MEGF11: variants seen among roughly 807,000 people sequenced by gnomAD.
MEGF11 encodes multiple EGF like domains 11, also known as multiple epidermal growth factor-like domains protein 11.
A neutral mutation model predicts 146.6 loss-of-function variants in MEGF11; 126 were observed. The observed-to-expected ratio is 0.86, with a 90% CI of 0.74 to 1.00. The LOEUF (loss-of-function observed/expected upper bound fraction) is 1.00, where lower values mean the gene tolerates loss of function less well. Ranked by LOEUF, MEGF11 falls within the 50% of genes least tolerant of loss-of-function variation. The pLI, the probability that MEGF11 is intolerant of heterozygous loss-of-function variation, is 0.00. For missense variants in MEGF11, 1,509 were observed against 1,521.2 expected, an observed-to-expected ratio of 0.99 and a Z score of 0.13; for synonymous variants, 532 against 583.4, an observed-to-expected ratio of 0.91 and a Z score of 1.27.
chr15:66,193,771 C>A (rs1427498703), intron 1 of MEGF11, among the ~76,000 whole-genome samples: 1 of 151,450 alleles, frequency 6.6e-6, no homozygotes, highest in Non-Finnish European at 1.5e-5. Context: ...CTCAGGCTGC[C>A]GAGCAAACTA....
intron 4 of MEGF11, among the ~76,000 whole-genome samples, chr15:66,114,865 A>G (rs925292572): frequency 1.3e-5 from 2 of 152,216 alleles, no homozygotes; most frequent in African/African-American, 4.8e-5. Context: ...GAAATTGTAC[A>G]GAGAGGAGAA....
chr15:66,023,156 C>CAAAAAAAAAAAA (rs762802460), intron 5 of MEGF11, among the ~76,000 whole-genome samples: 1 of 60,588 alleles, frequency 1.7e-5, no homozygotes, highest in Non-Finnish European at 3.7e-5. Flanking sequence ...AAAAAAAAAA[C>CAAAAAAAAAAAA]AAACTTGTTT....
intron 1 of MEGF11, among the ~76,000 whole-genome samples, chr15:66,178,178 A>C (rs1377175562): frequency 6.6e-6 from 1 of 151,514 alleles, no homozygotes; most frequent in Non-Finnish European, 1.5e-5. Flanking sequence ...AGACGAGGGA[A>C]TCTCACGATG....
At chr15:66,247,266 C>T (rs1206385954) in intron 1 of MEGF11, among the ~76,000 whole-genome samples, 3 of 152,142 alleles carry the variant, frequency 2.0e-5, no homozygotes, top group African/African-American at 7.2e-5. Context: ...TCTTGATGGT[C>T]TAGTCCTCAC....
chr15:65,981,982 G>A (rs867029199), intron 6 of MEGF11, among the ~76,000 whole-genome samples: 2 of 152,192 alleles, frequency 1.3e-5, no homozygotes, highest in South Asian at 4.1e-4. Flanking sequence ...ACGCGGTCCT[G>A]GAAGGAAGGA....
At chr15:65,912,018 G>C in intron 21 of MEGF11, 64 bp downstream of exon 21, 1 of 960,786 alleles carries the variant, frequency 1.0e-6, no homozygotes, top group Non-Finnish European at 1.4e-6. Flanking sequence ...GTTCCTTCCT[G>C]GGCAGAGGTG....
intron 1 of MEGF11, among the ~76,000 whole-genome samples, chr15:66,170,985 T>C (rs1274768894): frequency 6.6e-6 from 1 of 152,224 alleles, no homozygotes; most frequent in Non-Finnish European, 1.5e-5. Flanking sequence ...TGTGACGCCA[T>C]GTCCTCGCTC....
At chr15:66,016,854 G>A (rs2082904833) in intron 5 of MEGF11, among the ~76,000 whole-genome samples, 1 of 152,194 alleles carries the variant, frequency 6.6e-6, no homozygotes, top group African/African-American at 2.4e-5. Flanking sequence ...AATGGGGAAA[G>A]GGATGCCTAT....
chr15:66,062,603 C>A (rs1036700780), intron 5 of MEGF11, among the ~76,000 whole-genome samples: 1 of 152,192 alleles, frequency 6.6e-6, no homozygotes, highest in Non-Finnish European at 1.5e-5. Flanking sequence ...TGGTTGTAAC[C>A]TTGTGAGACA....
rs953001307 is a variant in MEGF11 at position 66,116,010 on chromosome 15, A to G, written c.301+3076T>C. Among the ~76,000 whole-genome samples the G allele has an allele frequency of 2.0e-5, 3 of 152,090 alleles. No homozygotes were observed. In the South Asian group the frequency reaches 6.2e-4, roughly 32 times the overall value. Reference sequence around the variant, plus strand: ...TACTTTGTAATAGCCACCCTAGACAATTGACACACCCAACCCAGCCACCTG... The same window carrying G: ...TACTTTGTAATAGCCACCCTAGACAGTTGACACACCCAACCCAGCCACCTG... On this transcript the variant is annotated intron_variant, in intron 4 of 25. Coordinates refer to ENST00000395614, the MANE Select transcript of MEGF11 (RefSeq NM_001385028.1).
intron 6 of MEGF11, 119 bp from the exon 7 acceptor site, chr15:65,981,017 ATCCGCTGAACTGCAG>A: frequency 7.6e-7 from 1 of 1,309,192 alleles, no homozygotes; most frequent in Non-Finnish European, 1.0e-6. Context: ...TAGGCACAGC[ATCCGCTGAACTGCAG>A]TCCTGCTCCC....
intron 5 of MEGF11, among the ~76,000 whole-genome samples, chr15:66,026,526 C>T (rs1429722102): frequency 6.6e-6 from 1 of 152,160 alleles, no homozygotes; most frequent in Non-Finnish European, 1.5e-5. Flanking sequence ...GCTTTGTCAC[C>T]AGGCTGGAGT....
At position 65,898,013 on chromosome 15, in the gene MEGF11, C is replaced by T. The variant is rs980270999; in HGVS notation, c.3344G>A (p.Ser1115Asn). The T allele has an allele frequency of 1.2e-6, 2 of 1,613,902 alleles. No individual in the cohort carries two copies. The highest frequency in any genetic ancestry group is 1.7e-6 in the Non-Finnish European group (2 of 1,179,786). The change falls in exon 26 of 26, where the codon AGC becomes AAC. Residue 1115 changes from serine (S) to asparagine (N), a missense_variant. Ser to Asn is a conservative substitution (Grantham distance 46). Coordinates refer to ENST00000395614, the MANE Select transcript of MEGF11 (RefSeq NM_001385028.1). ...GAGGTCATAATGACCAGGAATATGGCTGTTCCTAGGTAGGTCGTATGCATT... is the reference window on the plus strand; with the variant it reads ...GAGGTCATAATGACCAGGAATATGGTTGTTCCTAGGTAGGTCGTATGCATT... Reference protein sequence around the residue: ...IQNAYDLPRNSHIPGHYDLLP... With the variant: ...IQNAYDLPRNNHIPGHYDLLP...
At chr15:66,046,796 A>G (rs2084222817) in intron 5 of MEGF11, among the ~76,000 whole-genome samples, 1 of 152,086 alleles carries the variant, frequency 6.6e-6, no homozygotes, top group African/African-American at 2.4e-5. Flanking sequence ...TGGCCTCTGT[A>G]TCTTTGCCTA....
rs1458897754 is a variant in MEGF11 at position 65,895,635 on chromosome 15, C to T, written c.*2299G>A. 2.6e-5 allele frequency: 4 copies of T among 152,584 alleles called. No homozygotes were observed. Among genetic ancestry groups the T allele is most frequent in the Admixed American group, 1.3e-4 (2 of 15,280 alleles). 9.5% of individuals were successfully genotyped at this position (152,584 alleles called of 1,614,324 possible). A position where few individuals can be genotyped will look rare whatever the true frequency, so the allele number is the denominator to read the frequency against. On this transcript the variant is annotated 3_prime_UTR_variant, in exon 26 of 26. Coordinates refer to ENST00000395614, the MANE Select transcript of MEGF11 (RefSeq NM_001385028.1). ...GAAATGTCTTTTACTGATAACTGTT[C>T]GATAGGGGAAGGCAGCTATTGTCAC...
At chr15:66,075,696 G>A (rs995072639) in intron 5 of MEGF11, among the ~76,000 whole-genome samples, 5 of 152,178 alleles carry the variant, frequency 3.3e-5, no homozygotes, top group South Asian at 2.1e-4. Context: ...AGAAAAGGTC[G>A]GGACCCAGAA....
chr15:66,204,686 A>G (rs1411468201), intron 1 of MEGF11, among the ~76,000 whole-genome samples: 1 of 152,202 alleles, frequency 6.6e-6, no homozygotes, highest in South Asian at 2.1e-4. Context: ...AGCACACAGC[A>G]CCCAGGGGCC....
chr15:66,205,448 G>T (rs540535219), intron 1 of MEGF11, among the ~76,000 whole-genome samples: 1 of 152,106 alleles, frequency 6.6e-6, no homozygotes, highest in East Asian at 1.9e-4. Context: ...TGTCTTGGGG[G>T]TGGTGGGGAT....
chr15:65,996,386 A>T (rs191373225), intron 5 of MEGF11, among the ~76,000 whole-genome samples: 3 of 152,266 alleles, frequency 2.0e-5, no homozygotes, highest in Non-Finnish European at 4.4e-5. Flanking sequence ...GCCTCACTTT[A>T]TGTAGCCCTT....
Sources: gnomAD v4.1 joint callset for allele counts (sites outside exome capture counted in the v4.1 genomes callset) on GRCh38, gnomAD v4.1.1 for gene constraint, MANE v1.5 for transcripts, NCBI Gene and HGNC (gene_info 2026-07-23, HGNC 2026-07-21) for gene names.